ARHGAP10: variants seen among roughly 807,000 people sequenced by gnomAD.
The protein encoded by ARHGAP10 is rho GTPase-activating protein 10.
A neutral mutation model predicts 108.6 loss-of-function variants in ARHGAP10; 87 were observed. That is an observed-to-expected ratio of 0.80 (90% CI 0.67 to 0.96). The LOEUF is 0.96. Ranked by LOEUF, ARHGAP10 falls within the 40% of genes least tolerant of loss-of-function variation. The probability of loss-of-function intolerance (pLI) is 0.00; values close to 1 mark genes in which losing one functional copy is unlikely to be tolerated. For missense variants in ARHGAP10, 939 were observed against 954.5 expected (o/e 0.98, Z 0.21); for synonymous variants, 347 against 341.1 (o/e 1.02, Z -0.19).
chr4:147,848,371 A>G (rs1037754239), intron 4 of ARHGAP10, among the ~76,000 whole-genome samples: 1 of 152,234 alleles, frequency 6.6e-6, no homozygotes, highest in Admixed American at 6.5e-5. Context: ...CCTTCCTTGG[A>G]TAGTTTGCCG....
At chr4:147,797,824 G>A (rs1246055563) in intron 1 of ARHGAP10, among the ~76,000 whole-genome samples, 1 of 152,060 alleles carries the variant, frequency 6.6e-6, no homozygotes, top group Non-Finnish European at 1.5e-5. Context: ...AGAGTTAATT[G>A]TGCCCTCTGC....
intron 19 of ARHGAP10, among the ~76,000 whole-genome samples, chr4:148,026,065 A>G (rs1036332465): frequency 1.3e-5 from 2 of 152,186 alleles, no homozygotes; most frequent in African/African-American, 4.8e-5. Context: ...GGTGTAGACT[A>G]TCTGCCAAGA....
At chr4:147,866,500 G>C in intron 6 of ARHGAP10, 1 of 491,070 alleles carries the variant, frequency 2.0e-6, no homozygotes, top group Non-Finnish European at 3.6e-6. Context: ...TAATGGCTGT[G>C]ATATTTAAGG....
At chr4:148,047,531 T>A (rs1314688349) in intron 20 of ARHGAP10, among the ~76,000 whole-genome samples, 1 of 152,250 alleles carries the variant, frequency 6.6e-6, no homozygotes, top group Non-Finnish European at 1.5e-5. Flanking sequence ...GACATTTGAT[T>A]TTATCTTCTC....
chr4:147,940,239 G>A (rs1401332238), intron 14 of ARHGAP10, among the ~76,000 whole-genome samples: 3 of 152,154 alleles, frequency 2.0e-5, no homozygotes, highest in African/African-American at 7.2e-5. Flanking sequence ...ACATTTGGTT[G>A]GACAAGACCA....
intron 1 of ARHGAP10, among the ~76,000 whole-genome samples, chr4:147,822,281 G>A (rs1347790380): frequency 2.0e-5 from 3 of 152,176 alleles, no homozygotes; most frequent in African/African-American, 7.2e-5. Context: ...AGAGCAGCTG[G>A]TTGGCTGACC....
intron 18 of ARHGAP10, among the ~76,000 whole-genome samples, chr4:147,988,584 T>TAC (rs1740131588): frequency 1.3e-5 from 2 of 152,142 alleles, no homozygotes; most frequent in Admixed American, 1.3e-4. Context: ...TGTTTATATA[T>TAC]ACACACACAC....
In ARHGAP10 at chr4:147,822,742, A is replaced by G. The variant is rs1250744515; in HGVS notation, c.170A>G (p.Gln57Arg). 6.2e-7 allele frequency: 1 copy of G among 1,614,226 alleles called. No individual in the cohort carries two copies. Residue 57 changes from glutamine (Q) to arginine (R), a missense_variant, in exon 2 of 23, where the codon CAG (glutamine) becomes CGG (arginine). Gln to Arg is a conservative substitution (Grantham distance 43). Transcript: ENST00000336498. ...IAATKSLSVA[Q>R]RKFAHSLRDF... is the part of the protein sequence containing the mutation. ...TTCTTTCTAGGTCTGTCAGTGGCCCAGCGGAAGTTTGCTCATTCACTCAGA... is the reference window on the plus strand; with the variant it reads ...TTCTTTCTAGGTCTGTCAGTGGCCCGGCGGAAGTTTGCTCATTCACTCAGA...
intron 1 of ARHGAP10, among the ~76,000 whole-genome samples, chr4:147,754,508 TAGAA>T: frequency 6.6e-6 from 1 of 152,314 alleles, no homozygotes; most frequent in East Asian, 1.9e-4. Context: ...TGCCTCCAGA[TAGAA>T]AGAAAAGCTC....
intron 12 of ARHGAP10, 152 bp from the exon 13 acceptor site, chr4:147,912,922 A>T: frequency 1.5e-6 from 1 of 687,164 alleles, no homozygotes; most frequent in Non-Finnish European, 2.5e-6. Flanking sequence ...TGGTGGGATT[A>T]CAGGTGTGAG....
intron 1 of ARHGAP10, among the ~76,000 whole-genome samples, chr4:147,817,607 G>T (rs1033561566): frequency 2.1e-4 from 32 of 152,012 alleles, no homozygotes; most frequent in African/African-American, 7.3e-4. Flanking sequence ...CTCTCAAACT[G>T]CTCCTAACCC....
chr4:147,939,965 A>G (rs1191176815), intron 14 of ARHGAP10, 66 bp downstream of exon 14: 17 of 1,352,846 alleles, frequency 1.3e-5, no homozygotes, highest in Non-Finnish European at 1.7e-5. Flanking sequence ...TCACAGCTTA[A>G]TATTTCATAA....
intron 3 of ARHGAP10, among the ~76,000 whole-genome samples, chr4:147,842,669 G>A (rs1381753728): frequency 6.6e-6 from 1 of 152,160 alleles, no homozygotes; most frequent in Non-Finnish European, 1.5e-5. Context: ...GTTTCAGGCT[G>A]AGCTGTGCAT....
chr4:147,860,465 C>CA lies in ARHGAP10; in HGVS notation c.486+2819dup, dbSNP rs954888946. Among the ~76,000 whole-genome samples, 7 of 151,282 alleles carry CA rather than the reference C, an allele frequency of 4.6e-5. No individual in the cohort carries two copies. In the East Asian group the frequency reaches 7.8e-4, roughly 17 times the overall value. ...CAAAACAAAACAAAACAAAACAAAA[C>CA]AAAAAAAACCAGGAGAAAATTGTGG... On this transcript the variant is annotated intron_variant, in intron 5 of 22. Coordinates refer to ENST00000336498, the MANE Select transcript of ARHGAP10 (RefSeq NM_024605.4).
chr4:148,012,440 A>AG (rs1741203487), intron 18 of ARHGAP10, among the ~76,000 whole-genome samples: 1 of 152,322 alleles, frequency 6.6e-6, no homozygotes, highest in Admixed American at 6.5e-5. Flanking sequence ...TTCACACTGA[A>AG]GGAGAGGCTG....
intron 10 of ARHGAP10, among the ~76,000 whole-genome samples, chr4:147,887,061 C>G (rs933197352): frequency 1.3e-5 from 2 of 152,060 alleles, no homozygotes; most frequent in African/African-American, 4.8e-5. Flanking sequence ...CCGGCCCATG[C>G]TATGTTTCCT....
chr4:147,868,863 G>C lies in ARHGAP10; in HGVS notation c.702+2047G>C, dbSNP rs372021304. On this transcript the variant is annotated intron_variant, in intron 7 of 22. Coordinates refer to ENST00000336498, the MANE Select transcript of ARHGAP10 (RefSeq NM_024605.4). ...GAAGGTGGACTCAGGCTCACCTGCC[G>C]CTCACCTCCTGCCATGTGACCCGGT... 2.0e-5 allele frequency among the ~76,000 whole-genome samples: 3 copies of C among 152,070 alleles called. No homozygotes were observed. The South Asian group carries it at 6.2e-4, about 32-fold the overall frequency.
intron 1 of ARHGAP10, among the ~76,000 whole-genome samples, chr4:147,748,384 T>TA (rs11457339): frequency 0.091 from 13,794 of 151,882 alleles, 1,563 homozygotes; most frequent in African/African-American, 0.27. Flanking sequence ...TAGAAACTAG[T>TA]AAAAAAAAGC....
At chr4:148,025,471 A>G (rs1372804595) in intron 19 of ARHGAP10, among the ~76,000 whole-genome samples, 4 of 151,990 alleles carry the variant, frequency 2.6e-5, no homozygotes, top group Non-Finnish European at 1.5e-5. Flanking sequence ...ACTTAAAACT[A>G]TTATTCTCCC....
Sources: gnomAD v4.1 joint callset for allele counts (sites outside exome capture counted in the v4.1 genomes callset) on GRCh38, gnomAD v4.1.1 for gene constraint, MANE v1.5 for transcripts, NCBI Gene and HGNC (gene_info 2026-07-23, HGNC 2026-07-21) for gene names.